Variants in EXT2 observed in about 807,000 individuals in gnomAD.
The protein encoded by EXT2 is exostosin glycosyltransferase 2.
In EXT2, 53 loss-of-function variants were observed where a neutral mutation model predicts 81.6. That is an observed-to-expected ratio of 0.65 (90% CI 0.52 to 0.82). The LOEUF (loss-of-function observed/expected upper bound fraction) is 0.82, where lower values mean the gene tolerates loss of function less well. EXT2 is among the 40% of genes least tolerant of loss of function. The probability of loss-of-function intolerance (pLI) is 0.00; values close to 1 mark genes in which losing one functional copy is unlikely to be tolerated. For missense variants in EXT2, 774 were observed against 910.2 expected, an observed-to-expected ratio of 0.85 and a Z score of 1.93; for synonymous variants, 320 against 340.0, an observed-to-expected ratio of 0.94 and a Z score of 0.65.
At chr11:44,117,397 C>T (rs1347004026) in intron 4 of EXT2, among the ~76,000 whole-genome samples, 1 of 152,220 alleles carries the variant, frequency 6.6e-6, no homozygotes, top group Non-Finnish European at 1.5e-5. Flanking sequence ...AATCCAAGGC[C>T]ATGAAGATTT....
intron 8 of EXT2, among the ~76,000 whole-genome samples, chr11:44,175,734 C>G (rs902048611): frequency 5.9e-5 from 9 of 152,008 alleles, no homozygotes; most frequent in Admixed American, 2.0e-4. Context: ...CTCATAATAC[C>G]TAGGACAACT....
At chr11:44,175,787 G>C (rs1341269278) in intron 8 of EXT2, among the ~76,000 whole-genome samples, 3 of 152,150 alleles carry the variant, frequency 2.0e-5, no homozygotes, top group Non-Finnish European at 4.4e-5. Flanking sequence ...GAAAGAAAGA[G>C]GGATGGAGAG....
chr11:44,217,638 C>G (rs1047520410), intron 10 of EXT2, among the ~76,000 whole-genome samples: 1 of 152,146 alleles, frequency 6.6e-6, no homozygotes, highest in African/African-American at 2.4e-5. Context: ...TTGCGAGGGA[C>G]TCCTAGGGGA....
intron 7 of EXT2, among the ~76,000 whole-genome samples, chr11:44,162,350 C>G (rs1954938502): frequency 6.6e-6 from 1 of 152,084 alleles, no homozygotes; most frequent in Non-Finnish European, 1.5e-5. Context: ...CCGAGGCAGG[C>G]AGGTCACCTG....
intron 7 of EXT2, among the ~76,000 whole-genome samples, chr11:44,140,174 G>A (rs535485269): frequency 1.3e-5 from 2 of 152,322 alleles, no homozygotes; most frequent in African/African-American, 4.8e-5. Flanking sequence ...GAAGGGTTAG[G>A]GTGGCCAGGT....
chr11:44,215,586 C>A (rs890165105), intron 10 of EXT2, among the ~76,000 whole-genome samples: 1 of 152,184 alleles, frequency 6.6e-6, no homozygotes, highest in African/African-American at 2.4e-5. Flanking sequence ...AATGTTCTTA[C>A]TAGGCCAGTT....
rs538084936 is a variant in EXT2, at chr11:44,248,520, G to T, written c.*4233G>T. ...CTGAGTAGAATCAAGGGCAGCATTT[G>T]GTCCCATTATACCAGCCATGCATCA... On this transcript the variant is annotated 3_prime_UTR_variant, in exon 14 of 14. Coordinates refer to ENST00000533608, the MANE Select transcript of EXT2 (RefSeq NM_207122.2). 6.6e-6 allele frequency among the ~76,000 whole-genome samples: 1 copy of T among 152,174 alleles called. No homozygotes were observed. Among genetic ancestry groups the T allele is most frequent in the South Asian group, 2.1e-4 (1 of 4,824 alleles).
intron 4 of EXT2, among the ~76,000 whole-genome samples, chr11:44,115,683 T>C (rs1295299363): frequency 6.6e-6 from 1 of 152,220 alleles, no homozygotes; most frequent in African/African-American, 2.4e-5. Context: ...TTAGAACCAT[T>C]CTTTAAATAT....
chr11:44,245,346 TA>T lies in EXT2; in HGVS notation c.*1061del, dbSNP rs1956084513. The T allele has an allele frequency of 4.7e-6, 1 of 214,844 alleles. No homozygotes were observed. The highest frequency in any genetic ancestry group is 2.3e-5 in the African/African-American group (1 of 44,218). The allele number at this position is 214,844 out of a possible 1,614,324, so 13.3% of individuals were successfully genotyped here. On this transcript the variant is annotated 3_prime_UTR_variant, in exon 14 of 14. Transcript: ENST00000533608. ...TAACATTAGCCAGGGAGGTTCTGGC[TA>T]ACGTTAAATGCTGCTATACAACTGC...
At chr11:44,114,092 A>G (rs1298319654) in intron 3 of EXT2, 93 bp from the exon 4 acceptor site, 1 of 1,126,026 alleles carries the variant, frequency 8.9e-7, no homozygotes, top group African/African-American at 1.5e-5. Flanking sequence ...TGGTTTTGAT[A>G]ATAAAGACTC....
At chr11:44,233,214 G>A (rs1353782290) in intron 11 of EXT2, among the ~76,000 whole-genome samples, 1 of 152,082 alleles carries the variant, frequency 6.6e-6, no homozygotes, top group African/African-American at 2.4e-5. Context: ...GTGTGTGTGT[G>A]TCTGTTGGTT....
intron 7 of EXT2, among the ~76,000 whole-genome samples, chr11:44,146,612 A>C (rs773929820): frequency 5.9e-5 from 9 of 151,996 alleles, no homozygotes; most frequent in Non-Finnish European, 1.0e-4. Context: ...TTGTGAGGCG[A>C]CTCTGCCCTG....
At chr11:44,105,853 T>C (rs1268723637) in intron 1 of EXT2, among the ~76,000 whole-genome samples, 1 of 152,218 alleles carries the variant, frequency 6.6e-6, no homozygotes, top group Non-Finnish European at 1.5e-5. Context: ...TATATATCTA[T>C]AGCTGTATAA....
At chr11:44,193,077 T>C (rs566870101) in intron 8 of EXT2, among the ~76,000 whole-genome samples, 4 of 152,124 alleles carry the variant, frequency 2.6e-5, no homozygotes, top group Non-Finnish European at 4.4e-5. Context: ...GCTTTCAGGA[T>C]AGCCAAAACA....
chr11:44,107,030 C>T (rs1954065254), intron 1 of EXT2, among the ~76,000 whole-genome samples: 1 of 152,062 alleles, frequency 6.6e-6, no homozygotes, highest in African/African-American at 2.4e-5. Context: ...TTTGCTATTC[C>T]ACTTTTGATT....
chr11:44,096,413 G>C (rs985090634), intron 1 of EXT2: 13 of 1,306,400 alleles, frequency 1.0e-5, no homozygotes, highest in Middle Eastern at 2.5e-4. Context: ...CTAGATGGCC[G>C]GGGGCGTGTT....
At chr11:44,205,909 AAAG>A (rs1324706522) in intron 9 of EXT2, among the ~76,000 whole-genome samples, 1 of 152,372 alleles carries the variant, frequency 6.6e-6, no homozygotes, top group South Asian at 2.1e-4. Context: ...GTACTGTACC[AAAG>A]AAGTATGAAT....
Position 44,250,721 on chromosome 11 carries a change from G to A in EXT2, c.*6434G>A, listed in dbSNP as rs988625801. Among the ~76,000 whole-genome samples the A allele has an allele frequency of 2.6e-5, 4 of 152,202 alleles. No homozygotes were observed. The highest frequency in any genetic ancestry group is 6.5e-5 in the Admixed American group (1 of 15,282). The stretch of plus-strand genomic sequence containing the variant: ...AGAGAGCGTCCATCCGGTGCCTGGT[G>A]AGGGCCCTGCATGGCTGGCTGCTGT... On this transcript the variant is annotated 3_prime_UTR_variant, in exon 14 of 14. Transcript: ENST00000533608.
intron 10 of EXT2, among the ~76,000 whole-genome samples, chr11:44,227,825 T>C (rs1390246715): frequency 6.6e-6 from 1 of 152,194 alleles, no homozygotes; most frequent in East Asian, 1.9e-4. Flanking sequence ...TGTAAGCTCC[T>C]TGGGAGAAGT....
Sources: allele counts gnomAD v4.1 joint callset (sites outside exome capture counted in the v4.1 genomes callset), GRCh38; gene constraint gnomAD v4.1.1; transcripts MANE v1.5; gene names NCBI Gene and HGNC (gene_info 2026-07-23, HGNC 2026-07-21).